The following RGS6 variants were observed in gnomAD, a reference collection of about 807,000 sequenced individuals.
RGS6 encodes the protein regulator of G protein signaling 6.
A neutral mutation model predicts 78.5 loss-of-function variants in RGS6; 30 were observed. That is an observed-to-expected ratio of 0.38 (90% CI 0.29 to 0.52). The LOEUF (loss-of-function observed/expected upper bound fraction) is 0.52. RGS6 is among the 20% of genes least tolerant of loss of function. The pLI, the probability that RGS6 is intolerant of heterozygous loss-of-function variation, is 0.85. For synonymous variants in RGS6, 206 were observed against 206.0 expected, an observed-to-expected ratio of 1.00 and a Z score of 0.00; for missense variants, 495 against 609.7, an observed-to-expected ratio of 0.81 and a Z score of 1.98.
chr14:72,190,072 C>A (rs777280912), intron 2 of RGS6, among the ~76,000 whole-genome samples: 1 of 152,170 alleles, frequency 6.6e-6, no homozygotes, highest in Non-Finnish European at 1.5e-5. Flanking sequence ...TCCCTCTTTG[C>A]CAGCCAACCT....
At chr14:72,395,337 C>T (rs915499077) in intron 3 of RGS6, among the ~76,000 whole-genome samples, 6 of 151,936 alleles carry the variant, frequency 3.9e-5, no homozygotes, top group Non-Finnish European at 8.8e-5. Flanking sequence ...TGTGTATATA[C>T]ATATATATGG....
chr14:72,301,926 G>A (rs984101429), intron 2 of RGS6, among the ~76,000 whole-genome samples: 1 of 152,180 alleles, frequency 6.6e-6, no homozygotes, highest in Admixed American at 6.5e-5. Context: ...TTGAAGCACT[G>A]GGGGTGGGGA....
chr14:71,890,913 T>A, the RGS6 span, among the ~76,000 whole-genome samples: 5 of 152,202 alleles, frequency 3.3e-5, no homozygotes, highest in East Asian at 9.6e-4. Context: ...CTGACACTTT[T>A]TGAGGAAACA....
At chr14:72,452,008 CAA>C (rs1303585568) in intron 3 of RGS6, among the ~76,000 whole-genome samples, 1 of 152,156 alleles carries the variant, frequency 6.6e-6, no homozygotes, top group Admixed American at 6.5e-5. Flanking sequence ...CCTCGGTCTC[CAA>C]AAGTGTTGGG....
Position 72,556,573 on chromosome 14 carries a change from G to A in RGS6, c.1423-5844G>A, listed in dbSNP as rs187226945. On this transcript the variant is annotated intron_variant, in intron 17 of 17. Coordinates refer to ENST00000553525, the MANE Select transcript of RGS6 (RefSeq NM_001204424.2). ...TCTGTGGGAATTGCTTTCAGAAGACGTGACTGCTGGGTACCTCCTCCATCC... is the reference window on the plus strand; with the variant it reads ...TCTGTGGGAATTGCTTTCAGAAGACATGACTGCTGGGTACCTCCTCCATCC... Among the ~76,000 whole-genome samples the A allele has an allele frequency of 1.2e-4, 18 of 151,848 alleles. No individual in the cohort carries two copies. In the East Asian group the frequency reaches 2.1e-3, roughly 18 times the overall value.
At chr14:72,462,661 G>A (rs912965615) in intron 6 of RGS6, among the ~76,000 whole-genome samples, 4 of 152,170 alleles carry the variant, frequency 2.6e-5, no homozygotes, top group Non-Finnish European at 1.5e-5. Flanking sequence ...GTACATTTTT[G>A]AATGAGTGAC....
At chr14:72,338,970 A>G (rs2076511698) in intron 2 of RGS6, among the ~76,000 whole-genome samples, 2 of 152,272 alleles carry the variant, frequency 1.3e-5, no homozygotes, top group Admixed American at 1.3e-4. Context: ...AAATAGGACT[A>G]GCTTTAAAAA....
the RGS6 span, among the ~76,000 whole-genome samples, chr14:72,571,693 C>T: frequency 1.3e-5 from 2 of 152,290 alleles, no homozygotes; most frequent in South Asian, 4.1e-4. Context: ...GATAGAAGAG[C>T]TAATACTATC....
At chr14:71,974,203 A>G (rs2153086940) in intron 2 of RGS6, among the ~76,000 whole-genome samples, 1 of 152,312 alleles carries the variant, frequency 6.6e-6, no homozygotes. Context: ...GGAGAAAAAA[A>G]AATAAAAGCG....
At chr14:72,385,773 G>T (rs1229329236) in intron 3 of RGS6, among the ~76,000 whole-genome samples, 2 of 152,134 alleles carry the variant, frequency 1.3e-5, no homozygotes, top group African/African-American at 4.8e-5. Context: ...CACCTTCAAT[G>T]TCATGCCAGA....
chr14:71,878,478 C>T, the RGS6 span, among the ~76,000 whole-genome samples: 1 of 152,212 alleles, frequency 6.6e-6, no homozygotes, highest in Non-Finnish European at 1.5e-5. Flanking sequence ...TGGGACCCTC[C>T]AAGCCAGGCA....
At chr14:72,320,703 G>A (rs1248039698) in intron 2 of RGS6, among the ~76,000 whole-genome samples, 1 of 151,608 alleles carries the variant, frequency 6.6e-6, no homozygotes, top group Middle Eastern at 3.4e-3. Flanking sequence ...CTTTTAGACT[G>A]GGTCTAAATA....
At chr14:71,933,268 T>C (rs2088163490) in intron 1 of RGS6, 1 of 152,242 alleles carries the variant, frequency 6.6e-6, no homozygotes, top group Non-Finnish European at 1.5e-5. Context: ...ATGGCGCTTT[T>C]AGATACTTCC....
intron 2 of RGS6, among the ~76,000 whole-genome samples, chr14:72,327,545 AAG>A (rs1160857912): frequency 1.3e-5 from 2 of 152,308 alleles, no homozygotes; most frequent in East Asian, 3.9e-4. Context: ...AATTAAGTAA[AAG>A]AGAGAGCAGC....
At chr14:71,903,499 G>A in the RGS6 span, among the ~76,000 whole-genome samples, 2 of 152,196 alleles carry the variant, frequency 1.3e-5, no homozygotes, top group South Asian at 4.1e-4. Context: ...CAGTTTGCTG[G>A]GTTCAGAAAG....
intron 2 of RGS6, among the ~76,000 whole-genome samples, chr14:72,239,186 A>C (rs2153821664): frequency 6.6e-6 from 1 of 152,216 alleles, no homozygotes; most frequent in South Asian, 2.1e-4. Flanking sequence ...GATTCCCATG[A>C]TTCCTCCCTT....
intron 2 of RGS6, among the ~76,000 whole-genome samples, chr14:72,194,452 T>A (rs1048983144): frequency 1.7e-5 from 1 of 59,128 alleles, no homozygotes; most frequent in Admixed American, 1.4e-4. Flanking sequence ...CTCACTGCAG[T>A]CTCAAGCTCC....
the RGS6 span, among the ~76,000 whole-genome samples, chr14:71,877,682 A>G: frequency 2.0e-5 from 3 of 152,128 alleles, no homozygotes; most frequent in Admixed American, 2.0e-4. Context: ...TCTTCTCTCA[A>G]CTCATCAAAG....
chr14:72,101,198 C>T (rs566821313), intron 2 of RGS6, among the ~76,000 whole-genome samples: 1 of 152,254 alleles, frequency 6.6e-6, no homozygotes, highest in African/African-American at 2.4e-5. Context: ...AAACAAAAAC[C>T]TTTGTGTCCA....
Sources: allele counts gnomAD v4.1 joint callset (sites outside exome capture counted in the v4.1 genomes callset), GRCh38; gene constraint gnomAD v4.1.1; transcripts MANE v1.5; gene names NCBI Gene and HGNC (gene_info 2026-07-23, HGNC 2026-07-21).